The following LUZP2 variants were observed in gnomAD, a reference collection of about 807,000 sequenced individuals.
The protein encoded by LUZP2 is leucine zipper protein 2.
LUZP2 carries 52 observed loss-of-function variants against 51.6 expected under a neutral mutation model. The observed-to-expected ratio is 1.01, with a 90% CI of 0.81 to 1.27. LUZP2 has a LOEUF of 1.27. Ranked by LOEUF, LUZP2 falls within the 50% of genes most tolerant of loss-of-function variation. The pLI, the probability that LUZP2 is intolerant of heterozygous loss-of-function variation, is 0.00. For missense variants in LUZP2, 436 were observed against 395.4 expected, an observed-to-expected ratio of 1.10 and a Z score of -0.87; for synonymous variants, 154 against 137.3, an observed-to-expected ratio of 1.12 and a Z score of -0.85.
intron 7 of LUZP2, among the ~76,000 whole-genome samples, chr11:24,948,893 T>C (rs2133860065): frequency 6.6e-6 from 1 of 151,442 alleles, no homozygotes; most frequent in East Asian, 1.9e-4. Context: ...CTAGATATAC[T>C]TAGATAGATA....
At chr11:24,732,009 C>T (rs1329101177) in intron 2 of LUZP2, 109 bp from the exon 3 acceptor site, 1 of 724,296 alleles carries the variant, frequency 1.4e-6, no homozygotes, top group Admixed American at 3.1e-5. Flanking sequence ...ATTTTTAATT[C>T]TTGTTCCAGG....
intron 5 of LUZP2, among the ~76,000 whole-genome samples, chr11:24,880,871 T>G (rs1307726864): frequency 6.6e-6 from 1 of 152,308 alleles, no homozygotes; most frequent in East Asian, 1.9e-4. Flanking sequence ...TGTTTTCTTT[T>G]TCTTCCCTCT....
intron 1 of LUZP2, among the ~76,000 whole-genome samples, chr11:24,521,267 C>T (rs1850631251): frequency 1.5e-5 from 2 of 134,806 alleles, no homozygotes; most frequent in Admixed American, 1.7e-4. Context: ...AGGAGAATTG[C>T]TTGAACCTGG....
In LUZP2 at chr11:24,994,979, T is replaced by C. The variant is rs1284983206; in HGVS notation, c.765+11686T>C. On this transcript the variant is annotated intron_variant, in intron 9 of 11. Coordinates refer to ENST00000336930, the MANE Select transcript of LUZP2 (RefSeq NM_001009909.4). ...ACTTTGAAATTATATTATACTGTTA[T>C]ACATTACACAAATAAGAATACCATA... 4.6e-5 allele frequency among the ~76,000 whole-genome samples: 7 copies of C among 152,234 alleles called. No individual in the cohort carries two copies. The South Asian group carries it at 6.2e-4, about 13-fold the overall frequency.
At chr11:24,656,247 C>T (rs1855798731) in intron 1 of LUZP2, among the ~76,000 whole-genome samples, 1 of 151,938 alleles carries the variant, frequency 6.6e-6, no homozygotes, top group Non-Finnish European at 1.5e-5. Context: ...AATGTCAAAA[C>T]AAGTATCTCC....
intron 5 of LUZP2, among the ~76,000 whole-genome samples, chr11:24,815,819 C>T (rs536109134): frequency 6.6e-6 from 1 of 152,130 alleles, no homozygotes; most frequent in East Asian, 1.9e-4. Context: ...GAGTACTGAT[C>T]TCAGTCTCCA....
At chr11:24,679,410 TTTTTA>T (rs1054368968) in intron 1 of LUZP2, among the ~76,000 whole-genome samples, 20 of 152,160 alleles carry the variant, frequency 1.3e-4, no homozygotes, top group African/African-American at 4.8e-4. Context: ...TTCTTAATTA[TTTTTA>T]TTTTATTTAT....
chr11:24,693,007 A>T (rs1857125815), intron 1 of LUZP2, among the ~76,000 whole-genome samples: 1 of 151,822 alleles, frequency 6.6e-6, no homozygotes, highest in Non-Finnish European at 1.5e-5. Context: ...AAATGAGCCT[A>T]GATTATATGT....
intron 7 of LUZP2, among the ~76,000 whole-genome samples, chr11:24,957,865 T>C (rs968145064): frequency 6.6e-6 from 1 of 152,190 alleles, no homozygotes; most frequent in African/African-American, 2.4e-5. Flanking sequence ...TAACTCGTCA[T>C]CTAGCATTAC....
At chr11:24,719,569 A>G (rs1024330637) in intron 1 of LUZP2, among the ~76,000 whole-genome samples, 2 of 152,228 alleles carry the variant, frequency 1.3e-5, no homozygotes, top group Non-Finnish European at 2.9e-5. Context: ...TAGAGAAGTT[A>G]ACACAGCATT....
At chr11:24,655,201 C>T (rs1430940670) in intron 1 of LUZP2, among the ~76,000 whole-genome samples, 2 of 151,956 alleles carry the variant, frequency 1.3e-5, no homozygotes, top group Non-Finnish European at 2.9e-5. Flanking sequence ...TTATTTGTGC[C>T]AACAGAGACT....
At chr11:25,013,944 C>T (rs534608454) in intron 9 of LUZP2, among the ~76,000 whole-genome samples, 271 of 152,142 alleles carry the variant, frequency 1.8e-3, no homozygotes, top group African/African-American at 6.1e-3. Flanking sequence ...GTTCCCCTTC[C>T]TGTGTCCATG....
At chr11:25,012,116 T>C (rs1292028008) in intron 9 of LUZP2, among the ~76,000 whole-genome samples, 3 of 152,156 alleles carry the variant, frequency 2.0e-5, no homozygotes, top group South Asian at 2.1e-4. Context: ...AATTAAGTCA[T>C]TCTAATTAGC....
intron 7 of LUZP2, among the ~76,000 whole-genome samples, chr11:24,971,100 GCA>G (rs1326341257): frequency 1.3e-5 from 2 of 152,098 alleles, no homozygotes; most frequent in Non-Finnish European, 2.9e-5. Flanking sequence ...AGCATGGAGT[GCA>G]CATAGACATA....
At chr11:24,997,737 G>A (rs1235870251) in intron 9 of LUZP2, among the ~76,000 whole-genome samples, 2 of 152,086 alleles carry the variant, frequency 1.3e-5, no homozygotes, top group Middle Eastern at 3.2e-3. Flanking sequence ...TTCTTCTAGG[G>A]TTTTTATGGT....
chr11:24,964,588 C>T (rs767091913), intron 7 of LUZP2, among the ~76,000 whole-genome samples: 1 of 152,114 alleles, frequency 6.6e-6, no homozygotes, highest in Non-Finnish European at 1.5e-5. Context: ...ATAATCTTCA[C>T]TTCTTTGAAA....
At chr11:24,708,691 CCAAAGTATGATT>C (rs1160327316) in intron 1 of LUZP2, among the ~76,000 whole-genome samples, 1 of 151,980 alleles carries the variant, frequency 6.6e-6, no homozygotes, top group Non-Finnish European at 1.5e-5. Context: ...ATTCAGAAGC[CCAAAGTATGATT>C]CAAGAATTCA....
At chr11:24,879,193 C>G in intron 5 of LUZP2, among the ~76,000 whole-genome samples, 1 of 152,128 alleles carries the variant, frequency 6.6e-6, no homozygotes, top group African/African-American at 2.4e-5. Context: ...ATCCACCCGC[C>G]TAGGCCTCCC....
chr11:25,054,949 G>T (rs1407560023), intron 10 of LUZP2, among the ~76,000 whole-genome samples: 15 of 145,034 alleles, frequency 1.0e-4, no homozygotes, highest in South Asian at 2.2e-4. Context: ...TAATAATACT[G>T]TTTTTTTTTC....
Sources: gnomAD v4.1 joint callset for allele counts (sites outside exome capture counted in the v4.1 genomes callset) on GRCh38, gnomAD v4.1.1 for gene constraint, MANE v1.5 for transcripts, NCBI Gene and HGNC (gene_info 2026-07-23, HGNC 2026-07-21) for gene names.